The following DOCK3 variants were observed in gnomAD, a reference collection of about 807,000 sequenced individuals.
The protein encoded by DOCK3 is dedicator of cytokinesis protein 3.
A neutral mutation model predicts 265.6 loss-of-function variants in DOCK3; 60 were observed. The observed-to-expected ratio is 0.23, with a 90% CI of 0.18 to 0.28. The LOEUF is 0.28. DOCK3 is among the 10% of genes least tolerant of loss of function. DOCK3 has a pLI of 1.00. For synonymous variants in DOCK3, 881 were observed against 938.0 expected, an observed-to-expected ratio of 0.94 and a Z score of 1.11; for missense variants, 1,981 against 2,594.3, an observed-to-expected ratio of 0.76 and a Z score of 5.14.
chr3:51,198,821 G>A (rs976626384), intron 12 of DOCK3, among the ~76,000 whole-genome samples: 2 of 152,136 alleles, frequency 1.3e-5, no homozygotes, highest in African/African-American at 4.8e-5. Context: ...CTTGGGTCAG[G>A]GGTTCAAGAC....
intron 2 of DOCK3, among the ~76,000 whole-genome samples, chr3:50,825,392 A>G (rs1379984161): frequency 6.6e-6 from 1 of 152,222 alleles, no homozygotes; most frequent in Non-Finnish European, 1.5e-5. Context: ...CATATCCTCA[A>G]AAGGCATAAT....
intron 12 of DOCK3, among the ~76,000 whole-genome samples, chr3:51,202,953 G>A (rs1003020805): frequency 2.0e-5 from 3 of 152,158 alleles, no homozygotes; most frequent in African/African-American, 7.2e-5. Context: ...AAAGTCCTTT[G>A]ACAAAATTCA....
chr3:51,299,484 C>T (rs1443329096), intron 27 of DOCK3, among the ~76,000 whole-genome samples: 3 of 152,128 alleles, frequency 2.0e-5, no homozygotes, highest in Non-Finnish European at 2.9e-5. Flanking sequence ...ATCATAAAAT[C>T]TTTGCTGGTG....
At chr3:50,923,671 A>G (rs2050619940) in intron 4 of DOCK3, among the ~76,000 whole-genome samples, 1 of 152,210 alleles carries the variant, frequency 6.6e-6, no homozygotes, top group African/African-American at 2.4e-5. Context: ...AAGGAATAAT[A>G]TATTATGGAC....
chr3:50,684,375 T>C (rs1260497988), intron 1 of DOCK3, among the ~76,000 whole-genome samples: 2 of 152,230 alleles, frequency 1.3e-5, no homozygotes, highest in Non-Finnish European at 2.9e-5. Flanking sequence ...GTGAAGAATT[T>C]TATTTTGTTT....
intron 4 of DOCK3, among the ~76,000 whole-genome samples, chr3:50,905,743 AT>A (rs2107854604): frequency 6.6e-6 from 1 of 152,166 alleles, no homozygotes; most frequent in East Asian, 1.9e-4. Context: ...TCCTAATTGA[AT>A]GCCCTTTATT....
intron 5 of DOCK3, among the ~76,000 whole-genome samples, chr3:50,956,029 G>C (rs896503561): frequency 6.6e-6 from 1 of 151,486 alleles, no homozygotes; most frequent in Admixed American, 6.6e-5. Context: ...AATTTTTACT[G>C]AGGTCAACTG....
At chr3:50,863,360 G>A (rs2047000174) in intron 3 of DOCK3, 1 of 513,242 alleles carries the variant, frequency 1.9e-6, no homozygotes, top group Non-Finnish European at 3.9e-6. Flanking sequence ...TGGCTACCCG[G>A]TTCTTTGTGC....
chr3:51,346,474 C>A (rs945870003), intron 38 of DOCK3, among the ~76,000 whole-genome samples: 3 of 152,038 alleles, frequency 2.0e-5, no homozygotes, highest in South Asian at 2.1e-4. Context: ...TGGACTCATC[C>A]TTTTTTATGG....
rs1427413078 is a variant in DOCK3 at position 51,041,290 on chromosome 3, T to C, written c.316-23158T>C. On this transcript the variant is annotated intron_variant, in intron 5 of 52. Transcript: ENST00000266037. Reference sequence around the variant, plus strand: ...TAGAGTGCGGTGGTGCGATCTTGGCTCACTGCAAGCTCTGCCTCCTGGGTT... The same window carrying C: ...TAGAGTGCGGTGGTGCGATCTTGGCCCACTGCAAGCTCTGCCTCCTGGGTT... Among the ~76,000 whole-genome samples, 3 of 138,164 alleles carry C rather than the reference T, an allele frequency of 2.2e-5. No individual in the cohort carries two copies. In the East Asian group the frequency reaches 7.3e-4, roughly 34 times the overall value. The allele number at this position is 138,164 out of a possible 152,430, so 90.6% of individuals were successfully genotyped here. A position where few individuals can be genotyped will look rare whatever the true frequency, so the allele number is the denominator to read the frequency against.
chr3:50,855,810 C>T (rs2046565111), intron 3 of DOCK3, among the ~76,000 whole-genome samples: 1 of 151,892 alleles, frequency 6.6e-6, no homozygotes, highest in African/African-American at 2.4e-5. Context: ...CATCCACTAG[C>T]TATTCTTCCT....
chr3:50,904,035 A>G (rs535475778), intron 4 of DOCK3, among the ~76,000 whole-genome samples: 132 of 152,204 alleles, frequency 8.7e-4, no homozygotes, highest in Non-Finnish European at 1.5e-3. Context: ...TGTCCTTACA[A>G]TAGTTTGCTG....
At chr3:51,187,363 C>G (rs898369762) in intron 12 of DOCK3, among the ~76,000 whole-genome samples, 4 of 152,176 alleles carry the variant, frequency 2.6e-5, no homozygotes, top group African/African-American at 9.7e-5. Context: ...GCCTGTACCC[C>G]CATTATATCT....
At chr3:51,111,026 T>C (rs901149404) in intron 9 of DOCK3, among the ~76,000 whole-genome samples, 9 of 152,196 alleles carry the variant, frequency 5.9e-5, no homozygotes, top group Non-Finnish European at 1.0e-4. Flanking sequence ...AGTATTCCTA[T>C]ACCCAACAAC....
intron 5 of DOCK3, among the ~76,000 whole-genome samples, chr3:51,024,053 GT>G (rs1012579336): frequency 2.0e-5 from 3 of 151,544 alleles, no homozygotes; most frequent in Non-Finnish European, 4.4e-5. Context: ...TTTCTTAATG[GT>G]TTTTTTTACT....
At chr3:50,836,284 A>G (rs1444418682) in intron 2 of DOCK3, among the ~76,000 whole-genome samples, 1 of 152,180 alleles carries the variant, frequency 6.6e-6, no homozygotes, top group Non-Finnish European at 1.5e-5. Flanking sequence ...GTTCTCCATG[A>G]GGGCTCTGCC....
At chr3:51,082,083 G>C (rs1011579441) in intron 7 of DOCK3, among the ~76,000 whole-genome samples, 1 of 151,910 alleles carries the variant, frequency 6.6e-6, no homozygotes, top group Non-Finnish European at 1.5e-5. Flanking sequence ...TGGAAGGAGA[G>C]GGAAGCAAAG....
chr3:51,132,779 C>T (rs994153808), intron 9 of DOCK3, among the ~76,000 whole-genome samples: 1 of 152,188 alleles, frequency 6.6e-6, no homozygotes, highest in South Asian at 2.1e-4. Flanking sequence ...AATAATGAGA[C>T]CCTGCAACTT....
At chr3:50,814,161 A>AAGAT (rs2043927112) in intron 2 of DOCK3, among the ~76,000 whole-genome samples, 1 of 152,174 alleles carries the variant, frequency 6.6e-6, no homozygotes, top group Admixed American at 6.5e-5. Flanking sequence ...GAAGAGTTAT[A>AAGAT]AGATAGTATA....
Sources: allele counts gnomAD v4.1 joint callset (sites outside exome capture counted in the v4.1 genomes callset), GRCh38; gene constraint gnomAD v4.1.1; transcripts MANE v1.5; gene names NCBI Gene and HGNC (gene_info 2026-07-23, HGNC 2026-07-21).